The following HSD17B4 variants were observed in gnomAD, a reference collection of about 807,000 sequenced individuals.
The protein encoded by HSD17B4 is hydroxysteroid 17-beta dehydrogenase 4, also known as peroxisomal multifunctional enzyme type 2.
Under a neutral mutation model 101.0 loss-of-function variants are expected in HSD17B4, and 70 were observed. The observed-to-expected ratio is 0.69, with a 90% CI of 0.57 to 0.85. HSD17B4 has a LOEUF of 0.85. Ranked by LOEUF, HSD17B4 falls within the 40% of genes least tolerant of loss-of-function variation. HSD17B4 has a pLI of 0.00. For synonymous variants in HSD17B4, 347 were observed against 297.1 expected, an observed-to-expected ratio of 1.17 and a Z score of -1.73; for missense variants, 984 against 892.4, an observed-to-expected ratio of 1.10 and a Z score of -1.31.
Position 119,542,175 on chromosome 5 carries a change from C to T in HSD17B4, c.*181C>T, listed in dbSNP as rs1755053202. 1.7e-6 allele frequency: 1 copy of T among 584,890 alleles called. No homozygotes were observed. Among genetic ancestry groups the T allele is most frequent in the Non-Finnish European group, 3.1e-6 (1 of 322,628 alleles). 36.2% of individuals were successfully genotyped at this position (584,890 alleles called of 1,614,324 possible). On this transcript the variant is annotated 3_prime_UTR_variant, in exon 24 of 24. Coordinates refer to ENST00000510025, the MANE Select transcript of HSD17B4 (RefSeq NM_000414.4). ...AATTTTTCATGTATCATTATTTTTA[C>T]AAGGAACTATATATAAGCTAGCACA...
At chr5:119,477,364 A>C in intron 6 of HSD17B4, 53 bp from the exon 7 acceptor site, 1 of 1,193,936 alleles carries the variant, frequency 8.4e-7, no homozygotes, top group Non-Finnish European at 1.2e-6. Flanking sequence ...GTTGATTCTT[A>C]GACATGCCTA....
At chr5:119,527,092 T>G (rs756782784) in intron 19 of HSD17B4, 41 bp from the exon 20 acceptor site, 5 of 1,208,360 alleles carry the variant, frequency 4.1e-6, no homozygotes, top group Non-Finnish European at 6.2e-6. Context: ...TAAAAGAGTT[T>G]CCTTTTAAAA....
intron 16 of HSD17B4, among the ~76,000 whole-genome samples, chr5:119,510,533 C>G (rs1031126101): frequency 3.9e-5 from 6 of 152,186 alleles, no homozygotes; most frequent in African/African-American, 1.4e-4. Flanking sequence ...GAAAAGACTT[C>G]TGGAATGGTG....
At chr5:119,515,511 T>A (rs1017708021) in intron 17 of HSD17B4, among the ~76,000 whole-genome samples, 4 of 152,178 alleles carry the variant, frequency 2.6e-5, no homozygotes, top group African/African-American at 9.6e-5. Context: ...AAATAAAGCA[T>A]CTTAGAAGCA....
At chr5:119,500,012 G>A (rs1751014359) in intron 13 of HSD17B4, among the ~76,000 whole-genome samples, 1 of 152,158 alleles carries the variant, frequency 6.6e-6, no homozygotes, top group African/African-American at 2.4e-5. Context: ...GAGCAAGGGG[G>A]CAATGGTAGG....
At chr5:119,456,045 G>A (rs1006534014) in intron 1 of HSD17B4, among the ~76,000 whole-genome samples, 2 of 152,138 alleles carry the variant, frequency 1.3e-5, no homozygotes, top group Non-Finnish European at 2.9e-5. Flanking sequence ...TGCATCAGAT[G>A]GTGGAACCCA....
At chr5:119,516,723 A>T (rs1752642981) in intron 17 of HSD17B4, among the ~76,000 whole-genome samples, 1 of 152,228 alleles carries the variant, frequency 6.6e-6, no homozygotes, top group South Asian at 2.1e-4. Context: ...GCATGCTATA[A>T]GAAATACAAG....
chr5:119,503,351 A>G (rs1422891837), intron 14 of HSD17B4, among the ~76,000 whole-genome samples: 2 of 152,182 alleles, frequency 1.3e-5, no homozygotes, highest in Non-Finnish European at 2.9e-5. Context: ...AGGAAGGTGT[A>G]GAGAATAACT....
At chr5:119,480,559 A>C (rs1463369307) in intron 8 of HSD17B4, among the ~76,000 whole-genome samples, 1 of 152,180 alleles carries the variant, frequency 6.6e-6, no homozygotes, top group Non-Finnish European at 1.5e-5. Context: ...TCACAAGGCA[A>C]GTGGAGGCAG....
chr5:119,509,818 G>T (rs1268722130), intron 16 of HSD17B4, among the ~76,000 whole-genome samples: 2 of 152,192 alleles, frequency 1.3e-5, no homozygotes, highest in Non-Finnish European at 2.9e-5. Context: ...AGATGAGGTG[G>T]CAGCCAGTGT....
At position 119,506,845 on chromosome 5, in the gene HSD17B4, C is replaced by A. The variant is rs1282621174; in HGVS notation, c.1289C>A (p.Ala430Asp). 1.3e-6 allele frequency: 2 copies of A among 1,585,254 alleles called. No individual in the cohort carries two copies. Among genetic ancestry groups the A allele is most frequent in the Admixed American group, 3.3e-5 (2 of 59,900 alleles). Residue 430 changes from alanine (A) to aspartate (D), a missense_variant, in exon 15 of 24, where the codon GCT (alanine) becomes GAT (aspartate). Ala to Asp is a moderately radical substitution (Grantham distance 126). Coordinates refer to ENST00000510025, the MANE Select transcript of HSD17B4 (RefSeq NM_000414.4). ...AAATTAAAATGTGAAGCAGTTGTTG[C>A]TGATGTCCTAGATAAAGGATCCGGT... is the stretch of plus-strand genomic sequence containing the variant. ...AGKLKCEAVV[A>D]DVLDKGSGVV...
intron 2 of HSD17B4, among the ~76,000 whole-genome samples, chr5:119,465,378 GT>G (rs1561432812): frequency 1.3e-5 from 2 of 152,172 alleles, no homozygotes. Flanking sequence ...TTCTTACTCA[GT>G]TCATGTGAGA....
At chr5:119,516,053 C>T (rs1358683644) in intron 17 of HSD17B4, among the ~76,000 whole-genome samples, 1 of 152,168 alleles carries the variant, frequency 6.6e-6, no homozygotes, top group East Asian at 1.9e-4. Context: ...ATGAAAACTT[C>T]TGCAGGACTT....
rs142793620 is a variant in HSD17B4, at chr5:119,478,532, A to G, written c.435-302A>G. ...TGAAAAATTAGAACTGTTCGATTTA[A>G]TATTTCTTGCTAAAATTTTAACTTA... On this transcript the variant is annotated intron_variant, in intron 7 of 23. Coordinates refer to ENST00000510025, the MANE Select transcript of HSD17B4 (RefSeq NM_000414.4). Among the ~76,000 whole-genome samples, 574 of 152,262 alleles carry G rather than the reference A, an allele frequency of 3.8e-3. 3 individuals are homozygous for G. The highest frequency in any genetic ancestry group is 0.013 in the African/African-American group (557 of 41,566).
At chr5:119,495,929 TCC>T in intron 11 of HSD17B4, 1 of 154,600 alleles carries the variant, frequency 6.5e-6, no homozygotes, top group Non-Finnish European at 1.4e-5. Flanking sequence ...GTGAGAAAGG[TCC>T]CAGGGCCTTC....
chr5:119,463,655 C>CTTTT lies in HSD17B4; in HGVS notation c.112+7314_112+7317dup, dbSNP rs57252147. ...ATATACTTCTTGGCCATTTATATGT[C>CTTTT]TTTTTTTTTTTTTTTTTTTTTTTTT... On this transcript the variant is annotated intron_variant, in intron 2 of 23. Transcript: ENST00000510025. Among the ~76,000 whole-genome samples, 277 of 29,684 alleles carry CTTTT rather than the reference C, an allele frequency of 9.3e-3. 45 individuals are homozygous for CTTTT. Among genetic ancestry groups the CTTTT allele is most frequent in the Non-Finnish European group, 0.014 (171 of 12,394 alleles). The allele number at this position is 29,684 out of a possible 152,430, so 19.5% of individuals were successfully genotyped here. A position where few individuals can be genotyped will look rare whatever the true frequency, so the allele number is the denominator to read the frequency against.
intron 2 of HSD17B4, among the ~76,000 whole-genome samples, chr5:119,465,757 T>G (rs1309749728): frequency 6.6e-6 from 1 of 152,250 alleles, no homozygotes; most frequent in Non-Finnish European, 1.5e-5. Context: ...TGTAGGATTG[T>G]GTCATCTGTA....
rs149896687 is a variant in HSD17B4, at chr5:119,516,164, G to A, written c.1503+1118G>A. On this transcript the variant is annotated intron_variant, in intron 17 of 23. Transcript: ENST00000510025. ...GTACCATATAATCAGGTGATGGAGG[G>A]AACATTGTTTTATTCTTGCTTTTAA... is the stretch of plus-strand genomic sequence containing the variant. 3.5e-3 allele frequency among the ~76,000 whole-genome samples: 529 copies of A among 152,122 alleles called. 2 individuals are homozygous for A. Among genetic ancestry groups the A allele is most frequent in the African/African-American group, 0.012 (489 of 41,490 alleles).
chr5:119,481,472 G>C (rs1361993310), intron 8 of HSD17B4, among the ~76,000 whole-genome samples: 1 of 152,148 alleles, frequency 6.6e-6, no homozygotes, highest in Non-Finnish European at 1.5e-5. Flanking sequence ...ATATCTTGGA[G>C]ATGTTGCAGG....
Sources: allele counts gnomAD v4.1 joint callset (sites outside exome capture counted in the v4.1 genomes callset), GRCh38; gene constraint gnomAD v4.1.1; transcripts MANE v1.5; gene names NCBI Gene and HGNC (gene_info 2026-07-23, HGNC 2026-07-21).